PXDNL: variants seen among roughly 807,000 people sequenced by gnomAD.
PXDNL encodes probable oxidoreductase PXDNL.
Under a neutral mutation model 150.8 loss-of-function variants are expected in PXDNL, and 145 were observed. The observed-to-expected ratio is 0.96, with a 90% CI of 0.84 to 1.10. PXDNL has a LOEUF of 1.10. Ranked by LOEUF, PXDNL falls within the 50% of genes least tolerant of loss-of-function variation. The pLI, the probability that PXDNL is intolerant of heterozygous loss-of-function variation, is 0.00. For missense variants in PXDNL, 2,087 were observed against 1,873.9 expected, an observed-to-expected ratio of 1.11 and a Z score of -2.10; for synonymous variants, 757 against 725.7, an observed-to-expected ratio of 1.04 and a Z score of -0.69.
At chr8:51,461,826 C>G (rs575532180) in intron 8 of PXDNL, among the ~76,000 whole-genome samples, 30 of 152,288 alleles carry the variant, frequency 2.0e-4, no homozygotes, top group African/African-American at 7.2e-4. Context: ...AAGTATATCT[C>G]TCACTTCCTG....
intron 12 of PXDNL, chr8:51,435,939 T>C (rs562597889): frequency 8.8e-5 from 44 of 498,944 alleles, no homozygotes; most frequent in African/African-American, 6.5e-4. Context: ...AATGAAAAAC[T>C]GTAATAAATG....
At position 51,644,363 on chromosome 8, in the gene PXDNL, CATATGTATATATAT is replaced by C. The variant is rs1419286904; in HGVS notation, c.236+10312_236+10325del. ...ACACACACACACACACACACACACA[CATATGTATATATAT>C]ACACACACATATGTGTATATATATA... On this transcript the variant is annotated intron_variant, in intron 2 of 22. Transcript: ENST00000356297. Among the ~76,000 whole-genome samples the C allele has an allele frequency of 3.1e-3, 185 of 59,986 alleles. 2 individuals carry two copies. Among genetic ancestry groups the C allele is most frequent in the African/African-American group, 7.8e-3 (179 of 23,082 alleles). 39.4% of individuals were successfully genotyped at this position (59,986 alleles called of 152,430 possible).
At chr8:51,328,070 T>C (rs951818318) in intron 21 of PXDNL, among the ~76,000 whole-genome samples, 4 of 152,204 alleles carry the variant, frequency 2.6e-5, no homozygotes, top group Admixed American at 6.5e-5. Flanking sequence ...ATAATGTGGG[T>C]GGGCCTCATC....
At chr8:51,439,256 G>A (rs1411639440) in intron 12 of PXDNL, among the ~76,000 whole-genome samples, 1 of 152,004 alleles carries the variant, frequency 6.6e-6, no homozygotes, top group African/African-American at 2.4e-5. Context: ...ATCAAAAAGT[G>A]GTCTAAGGAC....
intron 12 of PXDNL, among the ~76,000 whole-genome samples, chr8:51,436,710 G>A (rs974475741): frequency 1.1e-4 from 17 of 152,104 alleles, no homozygotes; most frequent in Admixed American, 5.2e-4. Flanking sequence ...CAAACACAGC[G>A]CTAAGAGGGA....
chr8:51,715,710 G>C (rs1179937218), intron 1 of PXDNL, among the ~76,000 whole-genome samples: 1 of 152,068 alleles, frequency 6.6e-6, no homozygotes, highest in African/African-American at 2.4e-5. Context: ...ATGAATATAG[G>C]GCGGGGTTTC....
intron 4 of PXDNL, among the ~76,000 whole-genome samples, chr8:51,554,004 A>T (rs1812549357): frequency 6.6e-6 from 1 of 152,144 alleles, no homozygotes; most frequent in South Asian, 2.1e-4. Context: ...TTGTGAGCTG[A>T]CTTATTACAG....
At chr8:51,548,976 A>G (rs4431586) in intron 4 of PXDNL, among the ~76,000 whole-genome samples, 71,834 of 151,950 alleles carry the variant, frequency 0.47, 20,459 homozygotes, top group African/African-American at 0.8. Flanking sequence ...AGGCAAAGGG[A>G]TGGGAAAAGG....
intron 1 of PXDNL, chr8:51,721,629 A>G: frequency 2.7e-6 from 1 of 373,412 alleles, no homozygotes; most frequent in Non-Finnish European, 5.1e-6. Context: ...AACTTAAAGT[A>G]TAATAATAAT....
chr8:51,397,029 T>C (rs1808103820), intron 17 of PXDNL, among the ~76,000 whole-genome samples: 1 of 152,246 alleles, frequency 6.6e-6, no homozygotes, highest in South Asian at 2.1e-4. Context: ...TTCACACGTC[T>C]GTCATAAATG....
intron 17 of PXDNL, among the ~76,000 whole-genome samples, chr8:51,402,727 A>G (rs1808295105): frequency 2.0e-5 from 3 of 152,182 alleles, no homozygotes; most frequent in Admixed American, 2.0e-4. Context: ...TGAATAACTG[A>G]TCTTCACCTT....
intron 2 of PXDNL, among the ~76,000 whole-genome samples, chr8:51,633,277 C>T (rs976845362): frequency 1.3e-5 from 2 of 152,140 alleles, no homozygotes; most frequent in East Asian, 3.9e-4. Flanking sequence ...ATGTGTACCA[C>T]ATTTTCTGTA....
intron 3 of PXDNL, among the ~76,000 whole-genome samples, chr8:51,577,941 A>G (rs1274219355): frequency 2.4e-5 from 2 of 82,180 alleles, no homozygotes; most frequent in African/African-American, 9.2e-5. Flanking sequence ...GAAAGAAAGA[A>G]AGAAAGAAAG....
intron 3 of PXDNL, among the ~76,000 whole-genome samples, chr8:51,569,631 T>G (rs938210946): frequency 6.6e-6 from 1 of 151,982 alleles, no homozygotes; most frequent in Admixed American, 6.6e-5. Context: ...TTAAAATTTT[T>G]GGCACTACTG....
intron 2 of PXDNL, among the ~76,000 whole-genome samples, chr8:51,635,941 C>A (rs927328483): frequency 6.6e-6 from 1 of 151,934 alleles, no homozygotes; most frequent in Non-Finnish European, 1.5e-5. Flanking sequence ...AATAGTGATG[C>A]AAAAATTGTT....
chr8:51,801,174 TC>T (rs2129263458), intron 1 of PXDNL, among the ~76,000 whole-genome samples: 2 of 152,254 alleles, frequency 1.3e-5, no homozygotes, highest in South Asian at 4.1e-4. Context: ...AAACAGCCGC[TC>T]TGGGAGTGTC....
intron 2 of PXDNL, among the ~76,000 whole-genome samples, chr8:51,633,526 C>A (rs77101504): frequency 0.091 from 13,775 of 152,120 alleles, 925 homozygotes; most frequent in East Asian, 0.23. Context: ...TATGTGTTCT[C>A]CTTTCTCTGC....
At chr8:51,778,255 G>T (rs1260148498) in intron 1 of PXDNL, among the ~76,000 whole-genome samples, 3 of 142,344 alleles carry the variant, frequency 2.1e-5, no homozygotes, top group Admixed American at 7.4e-5. Context: ...ACCCCAGCCT[G>T]GGTGACAGAG....
At chr8:51,732,527 G>A (rs764819661) in intron 1 of PXDNL, among the ~76,000 whole-genome samples, 4 of 152,032 alleles carry the variant, frequency 2.6e-5, no homozygotes, top group African/African-American at 9.7e-5. Context: ...TTCCAAAGTC[G>A]CTTCCACAGT....
Sources: gnomAD v4.1 joint callset for allele counts (sites outside exome capture counted in the v4.1 genomes callset) on GRCh38, gnomAD v4.1.1 for gene constraint, MANE v1.5 for transcripts, NCBI Gene and HGNC (gene_info 2026-07-23, HGNC 2026-07-21) for gene names.